TRPV5: variants seen among roughly 807,000 people sequenced by gnomAD.
TRPV5 encodes calcium transport protein 2.
A neutral mutation model predicts 74.1 loss-of-function variants in TRPV5; 66 were observed. The observed-to-expected ratio is 0.89, with a 90% CI of 0.73 to 1.09. The LOEUF is 1.09. Ranked by LOEUF, TRPV5 falls within the 50% of genes least tolerant of loss-of-function variation. The probability of loss-of-function intolerance (pLI) is 0.00; values close to 1 mark genes in which losing one functional copy is unlikely to be tolerated. For missense variants in TRPV5, 936 were observed against 930.4 expected (o/e 1.01, Z -0.08); for synonymous variants, 399 against 360.7 (o/e 1.11, Z -1.20).
intron 8 of TRPV5, 62 bp from the exon 9 acceptor site, chr7:142,915,630 A>ATGAT: frequency 6.4e-7 from 1 of 1,551,780 alleles, no homozygotes; most frequent in South Asian, 1.1e-5. Context: ...TTTTGTGCAA[A>ATGAT]TGATCGAAAG....
chr7:142,929,417 C>T lies in TRPV5; in HGVS notation c.487+11G>A, dbSNP rs757570164. Reference sequence around the variant, plus strand: ...CAGCCAACCATCCTTCAAGCCCAACCCTGCTCTCACCAAAGTAGATGAGGT... The same window carrying T: ...CAGCCAACCATCCTTCAAGCCCAACTCTGCTCTCACCAAAGTAGATGAGGT... On this transcript the variant is annotated intron_variant, in intron 4 of 14. Transcript: ENST00000265310. The T allele has an allele frequency of 1.2e-6, 2 of 1,613,424 alleles. No individual in the cohort carries two copies. Among genetic ancestry groups the T allele is most frequent in the Non-Finnish European group, 1.7e-6 (2 of 1,179,570 alleles).
intron 8 of TRPV5, among the ~76,000 whole-genome samples, chr7:142,920,626 C>T (rs1328522520): frequency 6.6e-6 from 1 of 152,224 alleles, no homozygotes; most frequent in Non-Finnish European, 1.5e-5. Context: ...GGGAGGCAGA[C>T]TTGCAGCCCA....
chr7:142,929,829 GA>G (rs1166262489), intron 3 of TRPV5, among the ~76,000 whole-genome samples: 3 of 152,166 alleles, frequency 2.0e-5, no homozygotes, highest in Non-Finnish European at 2.9e-5. Context: ...AAGAAATTGA[GA>G]TAGGTCCTAC....
At chr7:142,908,869 T>A in intron 14 of TRPV5, 61 bp from the exon 15 acceptor site, 1 of 1,523,244 alleles carries the variant, frequency 6.6e-7, no homozygotes, top group Non-Finnish European at 8.9e-7. Context: ...AGGGGAGAAG[T>A]AGAGGTGACC....
At chr7:142,915,239 G>C in intron 10 of TRPV5, 68 bp downstream of exon 10, 1 of 1,582,560 alleles carries the variant, frequency 6.3e-7, no homozygotes. Context: ...AGAACTCAGA[G>C]AGTGAGCTGG....
chr7:142,915,619 C>T, intron 8 of TRPV5, 51 bp from the exon 9 acceptor site: 5 of 1,585,546 alleles, frequency 3.2e-6, no homozygotes, highest in Non-Finnish European at 4.3e-6. Context: ...GAGTCAAATC[C>T]TTTTGTGCAA....
chr7:142,910,450 G>GC (rs1360630606), intron 13 of TRPV5, among the ~76,000 whole-genome samples: 1 of 152,128 alleles, frequency 6.6e-6, no homozygotes, highest in African/African-American at 2.4e-5. Context: ...GCATAGTCCC[G>GC]CTTTGTACCG....
chr7:142,924,501 A>G (rs1795952425), intron 8 of TRPV5, among the ~76,000 whole-genome samples: 1 of 151,256 alleles, frequency 6.6e-6, no homozygotes, highest in Admixed American at 6.6e-5. Context: ...CTCTGTGCAT[A>G]TCGCTGTCTT....
intron 8 of TRPV5, among the ~76,000 whole-genome samples, chr7:142,921,330 G>A (rs1274606086): frequency 6.6e-6 from 1 of 152,122 alleles, no homozygotes; most frequent in Non-Finnish European, 1.5e-5. Flanking sequence ...CGCCTGGCCT[G>A]GAGTGCAATG....
chr7:142,926,835 T>G (rs921318106), intron 7 of TRPV5, among the ~76,000 whole-genome samples: 1 of 152,334 alleles, frequency 6.6e-6, no homozygotes, highest in South Asian at 2.1e-4. Context: ...TCCAGGGATA[T>G]TCTCTGAGGA....
intron 12 of TRPV5, among the ~76,000 whole-genome samples, chr7:142,914,433 C>T (rs371127667): frequency 2.0e-5 from 3 of 152,106 alleles, no homozygotes; most frequent in African/African-American, 4.8e-5. Flanking sequence ...CATGGCTTTA[C>T]GTTCCAGGCC....
chr7:142,908,480 C>T lies in TRPV5; in HGVS notation c.*34G>A, dbSNP rs745595393. 1.2e-5 allele frequency: 19 copies of T among 1,604,868 alleles called. No individual in the cohort carries two copies. Among genetic ancestry groups the T allele is most frequent in the Non-Finnish European group, 1.5e-5 (18 of 1,172,686 alleles). On this transcript the variant is annotated 3_prime_UTR_variant, in exon 15 of 15. Transcript: ENST00000265310. ...GTCTCTGTCCCCGCCCCCAGGCCAA[C>T]CGGGAGTAAGGTCAAGAGTGATAGC...
chr7:142,913,915 C>A (rs1180371840), intron 12 of TRPV5, among the ~76,000 whole-genome samples: 2 of 152,168 alleles, frequency 1.3e-5, no homozygotes, highest in Non-Finnish European at 2.9e-5. Context: ...CTGCCCCTCC[C>A]TAAGGACTTT....
chr7:142,924,287 C>T (rs993878737), intron 8 of TRPV5, among the ~76,000 whole-genome samples: 8 of 89,206 alleles, frequency 9.0e-5, no homozygotes, highest in South Asian at 3.7e-4. Context: ...TATACATATA[C>T]ATGTATATAT....
intron 6 of TRPV5, 26 bp from the exon 7 acceptor site, chr7:142,928,260 G>A (rs1050387752): frequency 6.2e-7 from 1 of 1,613,892 alleles, no homozygotes; most frequent in Non-Finnish European, 8.5e-7. Context: ...GATGAGTCAG[G>A]GGGCCAACGT....
Position 142,921,198 on chromosome 7 carries a change from G to T in TRPV5, c.1122+4331C>A, listed in dbSNP as rs78888673. On this transcript the variant is annotated intron_variant, in intron 8 of 14. Transcript: ENST00000265310. ...TTTTAAAAGATGGAAACACAGTAGG[G>T]ATGATTTTGCCTTCAATAAGTCTCC... 2.1e-3 allele frequency among the ~76,000 whole-genome samples: 314 copies of T among 152,314 alleles called. 8 individuals carry two copies. In the East Asian group the frequency reaches 0.052, roughly 25 times the overall value.
intron 13 of TRPV5, among the ~76,000 whole-genome samples, chr7:142,910,595 T>C (rs1370764951): frequency 2.0e-5 from 3 of 152,180 alleles, no homozygotes; most frequent in Admixed American, 2.0e-4. Flanking sequence ...ATCTTCAAAA[T>C]AGCAAATTCT....
chr7:142,908,668 G>T lies in TRPV5; in HGVS notation c.2036C>A (p.Ala679Asp), dbSNP rs1347365801. 6.2e-7 allele frequency: 1 copy of T among 1,614,110 alleles called. No individual in the cohort carries two copies. Among genetic ancestry groups the T allele is most frequent in the African/African-American group, 1.3e-5 (1 of 74,932 alleles). The change falls in exon 15 of 15, where the codon GCC becomes GAC. Residue 679 changes from alanine to aspartate, a missense_variant. Ala to Asp is a moderately radical substitution (Grantham distance 126, BLOSUM62 -2). Transcript: ENST00000265310. ...GGAGGAAGTTGGAAGAGCCAAAGAG[G>T]CTCTGGCTAGAGTCCCACTCTCAGC... ...SGAESGTLAR[A>D]SLALPTSSLS...
At chr7:142,915,170 C>G in intron 10 of TRPV5, 124 bp from the exon 11 acceptor site, 1 of 1,513,172 alleles carries the variant, frequency 6.6e-7, no homozygotes. Flanking sequence ...AACGCACATA[C>G]AGTTACACCT....
Sources: allele counts gnomAD v4.1 joint callset (sites outside exome capture counted in the v4.1 genomes callset), GRCh38; gene constraint gnomAD v4.1.1; transcripts MANE v1.5; gene names NCBI Gene and HGNC (gene_info 2026-07-23, HGNC 2026-07-21).